The following PDE4B variants were observed in gnomAD, a reference collection of about 807,000 sequenced individuals.
PDE4B encodes phosphodiesterase 4B.
A neutral mutation model predicts 82.2 loss-of-function variants in PDE4B; 20 were observed. That is an observed-to-expected ratio of 0.24 (90% confidence interval 0.17 to 0.35). The LOEUF is 0.35. Among genes scored for constraint, PDE4B ranks in the 10% least tolerant of loss-of-function variants. The pLI is 1.00. For synonymous variants in PDE4B, 320 were observed against 318.9 expected (o/e 1.00, Z -0.04); for missense variants, 655 against 907.2 (o/e 0.72, Z 3.57).
chr1:66,008,531 G>A (rs968663179), intron 3 of PDE4B, among the ~76,000 whole-genome samples: 20 of 151,918 alleles, frequency 1.3e-4, no homozygotes, highest in African/African-American at 4.6e-4. Flanking sequence ...CTATTAAATG[G>A]TATCCATTTA....
intron 3 of PDE4B, among the ~76,000 whole-genome samples, chr1:66,060,908 T>A (rs948454202): frequency 1.3e-5 from 2 of 151,924 alleles, no homozygotes; most frequent in African/African-American, 4.8e-5. Flanking sequence ...AGTGGGGGTA[T>A]CTTTCTTGTA....
At chr1:66,252,631 T>C (rs981566874) in intron 4 of PDE4B, among the ~76,000 whole-genome samples, 2 of 152,228 alleles carry the variant, frequency 1.3e-5, no homozygotes, top group Admixed American at 6.5e-5. Flanking sequence ...TGAATGCATA[T>C]GGCTTTTGCG....
chr1:66,307,228 T>C (rs1658341965), intron 7 of PDE4B, among the ~76,000 whole-genome samples: 2 of 152,242 alleles, frequency 1.3e-5, no homozygotes, highest in South Asian at 2.1e-4. Context: ...TAGAATATCA[T>C]TGAAGCAGGG....
intron 3 of PDE4B, among the ~76,000 whole-genome samples, chr1:66,090,621 A>ATATATATATATATGTGTGTGTGTGTG: frequency 3.3e-5 from 4 of 122,730 alleles, no homozygotes; most frequent in Admixed American, 1.6e-4. Context: ...TATATAATAT[A>ATATATATATATATGTGTGTGTGTGTG]TGTGTGTGTG....
At chr1:66,025,213 A>T (rs1348434028) in intron 3 of PDE4B, among the ~76,000 whole-genome samples, 1 of 152,150 alleles carries the variant, frequency 6.6e-6, no homozygotes, top group East Asian at 1.9e-4. Context: ...TTTTTCAAAA[A>T]ATAGGCTTTG....
chr1:66,016,067 A>G (rs1378497711), intron 3 of PDE4B, among the ~76,000 whole-genome samples: 1 of 152,236 alleles, frequency 6.6e-6, no homozygotes, highest in East Asian at 1.9e-4. Context: ...CTAATTATTG[A>G]CTATGTGACC....
chr1:65,998,740 C>T (rs894042846), intron 3 of PDE4B, among the ~76,000 whole-genome samples: 8 of 151,970 alleles, frequency 5.3e-5, no homozygotes, highest in African/African-American at 1.9e-4. Context: ...TACAATACCC[C>T]CACATGCATC....
chr1:65,851,236 C>T (rs1377262862), intron 1 of PDE4B, among the ~76,000 whole-genome samples: 1 of 152,078 alleles, frequency 6.6e-6, no homozygotes, highest in African/African-American at 2.4e-5. Flanking sequence ...GTAAAATTTG[C>T]CATCCAACAG....
chr1:66,039,900 A>G lies in PDE4B; in HGVS notation c.281+121065A>G, dbSNP rs182351334. 1.9e-3 allele frequency among the ~76,000 whole-genome samples: 289 copies of G among 152,178 alleles called. 1 individual carries two copies. The highest frequency in any genetic ancestry group is 3.4e-3 in the Non-Finnish European group (230 of 67,942). On this transcript the variant is annotated intron_variant, in intron 3 of 16. Transcript: ENST00000341517. The stretch of plus-strand genomic sequence containing the variant: ...TAGGCATAAATGGTTAATGCTATTC[A>G]TAACTGACAATGTATTCTGATCCTT...
chr1:65,947,615 A>G (rs1648777944), intron 3 of PDE4B, among the ~76,000 whole-genome samples: 1 of 152,042 alleles, frequency 6.6e-6, no homozygotes. Context: ...ACCCTTTCCC[A>G]GTATGACTGG....
chr1:66,105,221 G>C (rs9660402), intron 3 of PDE4B, among the ~76,000 whole-genome samples: 30,310 of 122,284 alleles, frequency 0.25, 4,389 homozygotes, highest in Middle Eastern at 0.34. Context: ...TCTTGTTTTT[G>C]TCATGTTTGT....
intron 3 of PDE4B, among the ~76,000 whole-genome samples, chr1:66,118,428 G>T (rs1296040944): frequency 6.6e-6 from 1 of 152,126 alleles, no homozygotes; most frequent in East Asian, 1.9e-4. Flanking sequence ...GTAGGGACAT[G>T]GATAAAGCTG....
intron 3 of PDE4B, among the ~76,000 whole-genome samples, chr1:66,146,268 C>G (rs901972011): frequency 2.0e-5 from 3 of 148,566 alleles, no homozygotes; most frequent in Non-Finnish European, 4.4e-5. Flanking sequence ...ACTGCAAGCT[C>G]CGCCTCCCAG....
intron 3 of PDE4B, among the ~76,000 whole-genome samples, chr1:66,222,234 C>T (rs1028809155): frequency 6.6e-6 from 1 of 152,204 alleles, no homozygotes; most frequent in African/African-American, 2.4e-5. Context: ...CTTCCTAAAA[C>T]ATCTTAGAGT....
intron 3 of PDE4B, among the ~76,000 whole-genome samples, chr1:66,181,920 T>A (rs1647071932): frequency 6.6e-6 from 1 of 151,978 alleles, no homozygotes; most frequent in South Asian, 2.1e-4. Context: ...TCCCTTCTTT[T>A]AAAAAAATAG....
chr1:66,197,744 G>A (rs1648454588), intron 3 of PDE4B, among the ~76,000 whole-genome samples: 1 of 151,992 alleles, frequency 6.6e-6, no homozygotes, highest in Non-Finnish European at 1.5e-5. Context: ...TTAAGGGTAA[G>A]GCAAACAAAA....
At chr1:66,115,270 C>T (rs1645573073) in intron 3 of PDE4B, among the ~76,000 whole-genome samples, 1 of 152,200 alleles carries the variant, frequency 6.6e-6, no homozygotes, top group South Asian at 2.1e-4. Context: ...ACTTCAAACA[C>T]ACCAATGCCC....
chr1:66,269,519 A>G (rs1012508714), intron 7 of PDE4B, among the ~76,000 whole-genome samples: 9 of 152,244 alleles, frequency 5.9e-5, no homozygotes, highest in Non-Finnish European at 1.3e-4. Flanking sequence ...AGGAAAAAAT[A>G]GAAAAAGAAA....
intron 3 of PDE4B, among the ~76,000 whole-genome samples, chr1:66,150,232 C>A (rs570130843): frequency 6.6e-6 from 1 of 152,002 alleles, no homozygotes; most frequent in African/African-American, 2.4e-5. Context: ...GCCTTTGTAA[C>A]CCCATAAGAA....
Sources: gnomAD v4.1 joint callset for allele counts (sites outside exome capture counted in the v4.1 genomes callset) on GRCh38, gnomAD v4.1.1 for gene constraint, MANE v1.5 for transcripts, NCBI Gene and HGNC (gene_info 2026-07-23, HGNC 2026-07-21) for gene names.